Variants in SMYD3 observed in about 807,000 individuals in gnomAD.
SMYD3 encodes the protein histone-lysine N-methyltransferase SMYD3.
In SMYD3, 36 loss-of-function variants were observed where a neutral mutation model predicts 57.7. The observed-to-expected ratio is 0.62, with a 90% CI of 0.48 to 0.82. The LOEUF (loss-of-function observed/expected upper bound fraction) is 0.82. Among genes scored for constraint, SMYD3 ranks in the 40% least tolerant of loss-of-function variants. SMYD3 has a pLI of 0.00. For synonymous variants in SMYD3, 211 were observed against 195.0 expected (o/e 1.08, Z -0.68); for missense variants, 515 against 538.8 (o/e 0.96, Z 0.44).
chr1:246,271,515 T>C (rs1358032847), intron 5 of SMYD3, among the ~76,000 whole-genome samples: 2 of 152,216 alleles, frequency 1.3e-5, no homozygotes, highest in Admixed American at 6.5e-5. Flanking sequence ...CTTTTGCATA[T>C]GGATACCCAG....
At chr1:246,114,940 T>C (rs1255091331) in intron 5 of SMYD3, among the ~76,000 whole-genome samples, 3 of 152,200 alleles carry the variant, frequency 2.0e-5, no homozygotes, top group Non-Finnish European at 4.4e-5. Flanking sequence ...TAAACTTGGT[T>C]TTAACTCGCA....
At chr1:246,241,977 C>T (rs572411551) in intron 5 of SMYD3, among the ~76,000 whole-genome samples, 21 of 151,736 alleles carry the variant, frequency 1.4e-4, no homozygotes, top group African/African-American at 5.1e-4. Flanking sequence ...TTTGATTCTT[C>T]TCTCTATTCT....
rs190560309 is a variant in SMYD3, at chr1:246,167,533, C to T, written c.531+159668G>A. 5.9e-3 allele frequency among the ~76,000 whole-genome samples: 842 copies of T among 142,310 alleles called. 3 individuals are homozygous for T. Among genetic ancestry groups the T allele is most frequent in the Non-Finnish European group, 9.4e-3 (623 of 66,254 alleles). The allele number at this position is 142,310 out of a possible 152,430, so 93.4% of individuals were successfully genotyped here. A position where few individuals can be genotyped will look rare whatever the true frequency, so the allele number is the denominator to read the frequency against. On this transcript the variant is annotated intron_variant, in intron 5 of 11. Transcript: ENST00000490107. Reference sequence around the variant, plus strand: ...TTTTCTTTTTTTTTTTTTTTGAAGACGGAGTCTCGCTCTGTGGCCCAGGCT... The same window carrying T: ...TTTTCTTTTTTTTTTTTTTTGAAGATGGAGTCTCGCTCTGTGGCCCAGGCT...
intron 5 of SMYD3, among the ~76,000 whole-genome samples, chr1:246,242,164 T>A (rs2063624153): frequency 6.6e-6 from 1 of 152,202 alleles, no homozygotes; most frequent in South Asian, 2.1e-4. Context: ...GCTTCTCTAG[T>A]TCTTTTAATT....
At chr1:246,196,820 A>G (rs2062835324) in intron 5 of SMYD3, among the ~76,000 whole-genome samples, 1 of 152,196 alleles carries the variant, frequency 6.6e-6, no homozygotes. Context: ...ATAGTGCCCA[A>G]TCTTGTTTTC....
intron 10 of SMYD3, among the ~76,000 whole-genome samples, chr1:245,792,804 C>A (rs189696128): frequency 6.6e-6 from 1 of 152,092 alleles, no homozygotes; most frequent in Non-Finnish European, 1.5e-5. Flanking sequence ...GCATGAGGGA[C>A]GACGTCGAAG....
intron 10 of SMYD3, among the ~76,000 whole-genome samples, chr1:245,856,487 C>T (rs1450544402): frequency 6.6e-6 from 1 of 152,192 alleles, no homozygotes. Context: ...TATAACCAAA[C>T]GTTTCCCAAA....
At chr1:246,068,165 A>T (rs1304576891) in intron 5 of SMYD3, among the ~76,000 whole-genome samples, 1 of 152,136 alleles carries the variant, frequency 6.6e-6, no homozygotes, top group Admixed American at 6.5e-5. Flanking sequence ...CCTCCTGGAA[A>T]GTAGGATCAG....
intron 5 of SMYD3, 137 bp downstream of exon 5, chr1:246,327,064 C>CT (rs1371479228): frequency 1.0e-6 from 1 of 999,504 alleles, no homozygotes; most frequent in East Asian, 2.4e-5. Context: ...GCTCTACTCA[C>CT]TATGATAAGG....
At chr1:246,313,685 C>T (rs2065115066) in intron 5 of SMYD3, among the ~76,000 whole-genome samples, 1 of 152,060 alleles carries the variant, frequency 6.6e-6, no homozygotes, top group African/African-American at 2.4e-5. Flanking sequence ...TCAAAAACAA[C>T]ATTTTAAAAT....
chr1:246,480,213 C>T (rs552268069), intron 1 of SMYD3, among the ~76,000 whole-genome samples: 1 of 152,266 alleles, frequency 6.6e-6, no homozygotes, highest in South Asian at 2.1e-4. Context: ...GGTCTCACAC[C>T]ATGTTGACCA....
intron 5 of SMYD3, among the ~76,000 whole-genome samples, chr1:245,978,470 G>T (rs76419429): frequency 0.026 from 3,891 of 152,244 alleles, 159 homozygotes; most frequent in African/African-American, 0.083. Flanking sequence ...GAATCCAGAG[G>T]TAAGTTTCCA....
At chr1:245,870,226 G>T (rs778379851) in intron 8 of SMYD3, among the ~76,000 whole-genome samples, 1 of 152,104 alleles carries the variant, frequency 6.6e-6, no homozygotes, top group Non-Finnish European at 1.5e-5. Flanking sequence ...CACAGCACAC[G>T]TCTACCTTGA....
At chr1:245,766,716 A>T (rs1396606720) in intron 10 of SMYD3, among the ~76,000 whole-genome samples, 2 of 152,330 alleles carry the variant, frequency 1.3e-5, no homozygotes, top group East Asian at 3.9e-4. Flanking sequence ...AAGGCCAAAA[A>T]GTGATCTTAC....
chr1:245,757,265 A>T (rs2045645767), intron 11 of SMYD3, among the ~76,000 whole-genome samples: 1 of 152,076 alleles, frequency 6.6e-6, no homozygotes, highest in African/African-American at 2.4e-5. Context: ...GGCTTATTTC[A>T]CTTTGCATAA....
chr1:246,123,472 C>T (rs2061454702), intron 5 of SMYD3, among the ~76,000 whole-genome samples: 1 of 151,882 alleles, frequency 6.6e-6, no homozygotes, highest in African/African-American at 2.4e-5. Flanking sequence ...GCAGCTGAGG[C>T]AGGAGAATAG....
intron 10 of SMYD3, among the ~76,000 whole-genome samples, chr1:245,798,579 A>G (rs1157812526): frequency 6.6e-6 from 1 of 151,528 alleles, no homozygotes; most frequent in Non-Finnish European, 1.5e-5. Flanking sequence ...AGAAAGAGGG[A>G]AATTTCAAGA....
intron 1 of SMYD3, among the ~76,000 whole-genome samples, chr1:246,371,102 A>G (rs537282421): frequency 1.2e-3 from 182 of 152,190 alleles, no homozygotes; most frequent in Non-Finnish European, 2.0e-3. Flanking sequence ...TAGGCAAGGT[A>G]ATGTCTGTAA....
At chr1:246,401,950 G>A (rs1039714296) in intron 1 of SMYD3, among the ~76,000 whole-genome samples, 3 of 152,162 alleles carry the variant, frequency 2.0e-5, no homozygotes, top group Non-Finnish European at 4.4e-5. Context: ...TCGAACTCCC[G>A]ACCTCAGGTG....
Sources: allele counts gnomAD v4.1 joint callset (sites outside exome capture counted in the v4.1 genomes callset), GRCh38; gene constraint gnomAD v4.1.1; transcripts MANE v1.5; gene names NCBI Gene and HGNC (gene_info 2026-07-23, HGNC 2026-07-21).